CCDC7: variants seen among roughly 807,000 people sequenced by gnomAD.
CCDC7 encodes coiled-coil domain containing 7.
Under a neutral mutation model 196.9 loss-of-function variants are expected in CCDC7, and 183 were observed. That is an observed-to-expected ratio of 0.93 (90% CI 0.82 to 1.05). The LOEUF is 1.05. CCDC7 is among the 50% of genes least tolerant of loss of function. CCDC7 has a pLI of 0.00. For missense variants in CCDC7, 1,540 were observed against 1,482.2 expected (o/e 1.04, Z -0.64); for synonymous variants, 525 against 484.6 (o/e 1.08, Z -1.10).
chr10:32,529,018 A>C (rs918248019), intron 11 of CCDC7, among the ~76,000 whole-genome samples: 1 of 151,270 alleles, frequency 6.6e-6, no homozygotes, highest in African/African-American at 2.4e-5. Context: ...ATTTTATTTT[A>C]TTTTATGTTA....
At chr10:32,872,115 A>G (rs1428168185) in intron 41 of CCDC7, among the ~76,000 whole-genome samples, 8 of 152,102 alleles carry the variant, frequency 5.3e-5, no homozygotes, top group Non-Finnish European at 1.0e-4. Context: ...GTAGATGTCT[A>G]TTAGTTCCGC....
rs139794324 is a variant in CCDC7, at chr10:32,868,050, GC to G, written c.4112-8296del. 1.1e-3 allele frequency among the ~76,000 whole-genome samples: 160 copies of G among 151,974 alleles called. 1 individual carries two copies. In the East Asian group the frequency reaches 0.028, roughly 27 times the overall value. ...CTTTGTGGCTGGCTTATTTCACTTA[GC>G]ATAATGTCTTCAAGATTCATCCATG... On this transcript the variant is annotated intron_variant, in intron 41 of 41. Coordinates refer to ENST00000639629, the Ensembl canonical transcript of CCDC7.
Position 32,543,905 on chromosome 10 carries a change from C to A in CCDC7, c.1080-342C>A, listed in dbSNP as rs1589711280. Among the ~76,000 whole-genome samples, 3 of 151,996 alleles carry A rather than the reference C, an allele frequency of 2.0e-5. No homozygotes were observed. In the South Asian group the frequency reaches 6.2e-4, roughly 31 times the overall value. On this transcript the variant is annotated intron_variant, in intron 12 of 41. Coordinates refer to ENST00000639629, the Ensembl canonical transcript of CCDC7. The stretch of plus-strand genomic sequence containing the variant: ...ATATTAAAATAATTTTAAAAGGAAA[C>A]TATGAAGTCAAACTTTATAGAATTC...
At chr10:32,511,712 T>C in intron 9 of CCDC7, 1 of 1,579,398 alleles carries the variant, frequency 6.3e-7, no homozygotes. Context: ...TTCTACTGGA[T>C]AGTCTTCATT....
chr10:32,828,502 A>AGG (rs2135802697), intron 32 of CCDC7, among the ~76,000 whole-genome samples: 1 of 131,602 alleles, frequency 7.6e-6, no homozygotes, highest in African/African-American at 2.9e-5. Context: ...GAAGAAGAAG[A>AGG]AGAAGAAGAA....
At chr10:32,696,642 T>C (rs748699999) in intron 24 of CCDC7, among the ~76,000 whole-genome samples, 1 of 152,164 alleles carries the variant, frequency 6.6e-6, no homozygotes, top group Non-Finnish European at 1.5e-5. Flanking sequence ...AATGGCACAC[T>C]ACCACCAAAC....
intron 11 of CCDC7, among the ~76,000 whole-genome samples, chr10:32,538,174 G>C (rs2050825947): frequency 6.6e-6 from 1 of 152,086 alleles, no homozygotes; most frequent in South Asian, 2.1e-4. Context: ...TTTGAGCAGT[G>C]TTTTAAAGTT....
chr10:32,661,172 G>A lies in CCDC7; in HGVS notation c.2015-2882G>A, dbSNP rs537523685. Reference sequence around the variant, plus strand: ...AAAAAGTGGGCGAAGGACATGAACAGACACTTCTCAAAAGAAGACATTTAT... The same window carrying A: ...AAAAAGTGGGCGAAGGACATGAACAAACACTTCTCAAAAGAAGACATTTAT... On this transcript the variant is annotated intron_variant, in intron 20 of 41. Transcript: ENST00000639629. Among the ~76,000 whole-genome samples the A allele has an allele frequency of 1.7e-3, 259 of 151,618 alleles. 1 individual carries two copies. The highest frequency in any genetic ancestry group is 0.014 in the Middle Eastern group (4 of 292).
intron 8 of CCDC7, among the ~76,000 whole-genome samples, chr10:32,491,391 T>C (rs1210351573): frequency 1.3e-5 from 2 of 152,198 alleles, no homozygotes; most frequent in East Asian, 3.9e-4. Flanking sequence ...TATGGATCAT[T>C]ATTATGTTGG....
intron 18 of CCDC7, among the ~76,000 whole-genome samples, chr10:32,632,548 G>T (rs2065023101): frequency 1.3e-5 from 2 of 151,428 alleles, no homozygotes; most frequent in Non-Finnish European, 2.9e-5. Flanking sequence ...GTTGACTGAG[G>T]TCTCTTTTCT....
chr10:32,698,806 C>T (rs540564819), intron 24 of CCDC7, among the ~76,000 whole-genome samples: 2 of 152,248 alleles, frequency 1.3e-5, no homozygotes, highest in African/African-American at 4.8e-5. Flanking sequence ...GAGAACTTCC[C>T]CAACCTAGCA....
At chr10:32,830,783 A>C (rs1009983832) in intron 32 of CCDC7, among the ~76,000 whole-genome samples, 1 of 152,184 alleles carries the variant, frequency 6.6e-6, no homozygotes, top group African/African-American at 2.4e-5. Flanking sequence ...GAGGGAAAGA[A>C]CAAAATAATT....
chr10:32,676,315 G>A (rs888926984), intron 21 of CCDC7, among the ~76,000 whole-genome samples: 1 of 151,786 alleles, frequency 6.6e-6, no homozygotes, highest in African/African-American at 2.4e-5. Flanking sequence ...CATGGGCACG[G>A]ACTTCATGTC....
chr10:32,468,677 G>A (rs2037339723), intron 5 of CCDC7, among the ~76,000 whole-genome samples: 1 of 152,156 alleles, frequency 6.6e-6, no homozygotes, highest in Non-Finnish European at 1.5e-5. Flanking sequence ...GTAGTTGATA[G>A]AACACGTTTA....
At chr10:32,804,408 C>T (rs1269891769) in intron 29 of CCDC7, among the ~76,000 whole-genome samples, 6 of 152,080 alleles carry the variant, frequency 3.9e-5, no homozygotes, top group Non-Finnish European at 5.9e-5. Context: ...GGTAAAGGGA[C>T]CTAAGAGGGC....
At chr10:32,630,374 GAAAC>G (rs2064690185) in intron 18 of CCDC7, among the ~76,000 whole-genome samples, 1 of 151,974 alleles carries the variant, frequency 6.6e-6, no homozygotes, top group Admixed American at 6.6e-5. Context: ...ATATATATAT[GAAAC>G]AAGCCCCTTA....
intron 9 of CCDC7, among the ~76,000 whole-genome samples, chr10:32,515,688 C>T (rs58488434): frequency 1.3e-5 from 2 of 151,634 alleles, no homozygotes; most frequent in Non-Finnish European, 1.5e-5. Context: ...GGACTACAGG[C>T]GCCTGCCACC....
At chr10:32,646,494 C>T (rs992212294) in intron 20 of CCDC7, among the ~76,000 whole-genome samples, 2 of 152,112 alleles carry the variant, frequency 1.3e-5, no homozygotes, top group African/African-American at 4.8e-5. Flanking sequence ...TGTATATTCT[C>T]TAGCTGTTGG....
intron 20 of CCDC7, among the ~76,000 whole-genome samples, chr10:32,639,370 T>A (rs2066286695): frequency 6.6e-6 from 1 of 152,192 alleles, no homozygotes; most frequent in Non-Finnish European, 1.5e-5. Context: ...TGTGGGCATT[T>A]AGTGCTATAA....
Sources: gnomAD v4.1 joint callset for allele counts (sites outside exome capture counted in the v4.1 genomes callset) on GRCh38, gnomAD v4.1.1 for gene constraint, MANE v1.5 for transcripts, NCBI Gene and HGNC (gene_info 2026-07-23, HGNC 2026-07-21) for gene names.